FLT4: variants seen among roughly 807,000 people sequenced by gnomAD.
FLT4 encodes the protein fms related receptor tyrosine kinase 4, also known as vascular endothelial growth factor receptor 3.
A neutral mutation model predicts 163.2 loss-of-function variants in FLT4; 30 were observed. That is an observed-to-expected ratio of 0.18 (90% CI 0.14 to 0.25). The LOEUF is 0.25. Ranked by LOEUF, FLT4 falls within the 10% of genes least tolerant of loss-of-function variation. The pLI, the probability that FLT4 is intolerant of heterozygous loss-of-function variation, is 1.00. For synonymous variants in FLT4, 884 were observed against 789.5 expected (o/e 1.12, Z -2.01); for missense variants, 1,510 against 1,863.8 (o/e 0.81, Z 3.50).
chr5:180,618,660 C>T, intron 21 of FLT4, 110 bp downstream of exon 21: 1 of 1,205,218 alleles, frequency 8.3e-7, no homozygotes, highest in Non-Finnish European at 1.2e-6. Flanking sequence ...GAGCCCATTC[C>T]ACACTCTCCC....
chr5:180,611,579 C>T (rs1762201960), intron 26 of FLT4, 100 bp from the exon 27 acceptor site: 2 of 1,318,132 alleles, frequency 1.5e-6, no homozygotes, highest in African/African-American at 2.9e-5. Context: ...CAGCCCTCAC[C>T]CCCGCCCTCA....
rs745546499 is a variant in FLT4 at position 180,603,323 on chromosome 5, G to A, written c.3961C>T (p.Arg1321Trp). ...AHPDSQGRRR[R>W]PERGARGGQV... ...CCTCCTCGGGCCCCCCGCTCAGGCC[G>A]CCGCCGCCTCCCTTGGGAGTCAGGG... The change falls in exon 30 of 30, where the codon CGG becomes TGG. Residue 1321 changes from arginine to tryptophan, a missense_variant. This residue lies in a region of FLT4 where 295 missense variants were observed against 311.0 expected (regional missense o/e 0.95). Transcript: ENST00000261937. 1.5e-5 allele frequency: 24 copies of A among 1,613,722 alleles called. No homozygotes were observed. The East Asian group carries it at 1.8e-4, about 12-fold the overall frequency.
At chr5:180,606,660 C>T (rs1459231351) in intron 29 of FLT4, among the ~76,000 whole-genome samples, 3 of 152,206 alleles carry the variant, frequency 2.0e-5, no homozygotes, top group Non-Finnish European at 4.4e-5. Context: ...ACTTAATTAC[C>T]TTGTTTTTTG....
In FLT4 at chr5:180,618,801, G is replaced by A; in HGVS notation, c.2970C>T (p.Gly990=). The change falls in exon 21 of 30, where the codon GGC becomes GGT. Residue 990 remains glycine, a synonymous_variant. Transcript: ENST00000261937. ...GGTCTGGAGAAGCCCGCCTCGCTCC[G>A]CCCTCGGTCTTCGAGAACCGCGCGA... The part of the protein sequence containing the change: ...VLFARFSKTE[G]GARRASPDQE... 1 of 1,587,830 alleles carries A rather than the reference G, an allele frequency of 6.3e-7. No individual in the cohort carries two copies. The highest frequency in any genetic ancestry group is 8.6e-7 in the Non-Finnish European group (1 of 1,167,828).
At chr5:180,609,763 C>T in intron 28 of FLT4, 142 bp downstream of exon 28, 2 of 1,045,794 alleles carry the variant, frequency 1.9e-6, no homozygotes, top group Non-Finnish European at 2.9e-6. Context: ...CCCAAATGTG[C>T]CCAAGGCTCA....
rs1339072901 is a variant in FLT4, at chr5:180,602,923, C to G, written c.*269G>C. 5.1e-6 allele frequency: 3 copies of G among 592,050 alleles called. No homozygotes were observed. Among genetic ancestry groups the G allele is most frequent in the Non-Finnish European group, 9.0e-6 (3 of 331,834 alleles). The allele number at this position is 592,050 out of a possible 1,614,324, so 36.7% of individuals were successfully genotyped here. A position where few individuals can be genotyped will look rare whatever the true frequency, so the allele number is the denominator to read the frequency against. ...GGAAGTGCTGGCCCCGGGACCAGCA[C>G]CTGCGGATGCTGAACTAAATGACAT... On this transcript the variant is annotated 3_prime_UTR_variant, in exon 30 of 30. Transcript: ENST00000261937.
rs755735640 is a variant in FLT4 at position 180,621,260 on chromosome 5, C to A, written c.2021-8G>T. On this transcript the variant is annotated splice_polypyrimidine_tract_variant and splice_region_variant and intron_variant, in intron 13 of 29. Transcript: ENST00000261937. ...GCCGAGGGGCTTCCAGGGCTGGGGG[C>A]AGGGGTCGAGAGGGAGCTAAGTGGA... The A allele has an allele frequency of 6.2e-7, 1 of 1,610,930 alleles. No homozygotes were observed. The highest frequency in any genetic ancestry group is 8.5e-7 in the Non-Finnish European group (1 of 1,178,586).
Position 180,621,230 on chromosome 5 carries a change from C to A in FLT4, c.2043G>T (p.Thr681=). 6.2e-7 allele frequency: 1 copy of A among 1,612,570 alleles called. No individual in the cohort carries two copies. The highest frequency in any genetic ancestry group is 1.1e-5 in the South Asian group (1 of 91,060). Residue 681 remains threonine (T), a synonymous_variant, in exon 14 of 30, where the codon ACG becomes ACT. Coordinates refer to ENST00000261937, the MANE Select transcript of FLT4 (RefSeq NM_182925.5). ...TCACCAGGAGGTCGGTCAAGTTCTG[C>A]GTGAGCCGAGGGGCTTCCAGGGCTG... ...SVQALEAPRL[T]QNLTDLLVNV...
At chr5:180,610,987 G>A (rs1343863129) in intron 27 of FLT4, among the ~76,000 whole-genome samples, 1 of 152,222 alleles carries the variant, frequency 6.6e-6, no homozygotes, top group East Asian at 1.9e-4. Flanking sequence ...AACCTGGGAG[G>A]CGGAGCTTGC....
At chr5:180,610,077 C>T (rs759443068) in intron 27 of FLT4, 52 bp from the exon 28 acceptor site, 43 of 1,611,898 alleles carry the variant, frequency 2.7e-5, no homozygotes, top group Non-Finnish European at 3.4e-5. Context: ...CAACCCTCCT[C>T]GAACTTCTCT....
At position 180,621,012 on chromosome 5, in the gene FLT4, A is replaced by AG. The variant is rs747723824; in HGVS notation, c.2168-6dup. The AG allele has an allele frequency of 3.7e-6, 6 of 1,611,376 alleles. No individual in the cohort carries two copies. Among genetic ancestry groups the AG allele is most frequent in the Non-Finnish European group, 5.1e-6 (6 of 1,179,084 alleles). ...TGGAGTCCGCCAAGTCGACTCCTGC[A>AG]GGGGGTGGGGTGGAGGTGCGGGTCC... On this transcript the variant is annotated splice_polypyrimidine_tract_variant and splice_region_variant and intron_variant, in intron 14 of 29. Transcript: ENST00000261937.
At chr5:180,638,822 ATTAT>A (rs1287481168) in intron 1 of FLT4, among the ~76,000 whole-genome samples, 1 of 152,188 alleles carries the variant, frequency 6.6e-6, no homozygotes, top group Non-Finnish European at 1.5e-5. Flanking sequence ...CCAACTTGGA[ATTAT>A]TTATTTATGT....
In FLT4 at chr5:180,626,217, C is replaced by A. The variant is rs766928567; in HGVS notation, c.1152G>T (p.Leu384=). The part of the protein sequence containing the change: ...ALSGRHSPHA[L]VLKEVTEAST... ...TGGCCTCTGTCACCTCCTTGAGCAC[C>A]AGGGCATGTGGACTGTGGCGCCCGG... The change falls in exon 9 of 30, where the codon CTG becomes CTT. Residue 384 remains leucine (L), a synonymous_variant. Coordinates refer to ENST00000261937, the MANE Select transcript of FLT4 (RefSeq NM_182925.5). 1.2e-6 allele frequency: 2 copies of A among 1,612,820 alleles called. No individual in the cohort carries two copies. Among genetic ancestry groups the A allele is most frequent in the Admixed American group, 3.3e-5 (2 of 60,022 alleles).
Position 180,628,888 on chromosome 5 carries a change from A to T in FLT4, c.1097T>A (p.Phe366Tyr). 6.2e-7 allele frequency: 1 copy of T among 1,606,652 alleles called. No homozygotes were observed. The change falls in exon 8 of 30, where the codon TTC (phenylalanine) becomes TAC (tyrosine). Residue 366 changes from phenylalanine (F) to tyrosine (Y), a missense_variant. Phe to Tyr is a conservative substitution (Grantham distance 22). This residue lies in a region of FLT4 where 878 missense variants were observed against 1,016.7 expected (regional missense o/e 0.86). Coordinates refer to ENST00000261937, the MANE Select transcript of FLT4 (RefSeq NM_182925.5). ...VKLAAYPPPE[F>Y]QWYKDGKALS... ...GGGGAGCCAGGGCTGTTACCACTGG[A>T]ACTCGGGCGGGGGGTACGCTGCCAG...
chr5:180,649,636 G>T, upstream of FLT4: 1 of 570,864 alleles, frequency 1.8e-6, no homozygotes, highest in South Asian at 8.0e-5. Context: ...GGGCGGGGCG[G>T]GGCGGGGCGG....
At chr5:180,608,364 C>T in intron 29 of FLT4, 1 of 700,100 alleles carries the variant, frequency 1.4e-6, no homozygotes. Context: ...CCCTCCTGAC[C>T]CTGCCCCCTT....
chr5:180,642,050 T>C (rs1561759984), intron 1 of FLT4, among the ~76,000 whole-genome samples: 1 of 151,888 alleles, frequency 6.6e-6, no homozygotes, highest in Admixed American at 6.6e-5. Context: ...CTACTAAAAA[T>C]ACAAAAATTA....
intron 1 of FLT4, among the ~76,000 whole-genome samples, chr5:180,641,071 T>C (rs1048724770): frequency 2.6e-5 from 4 of 152,136 alleles, no homozygotes; most frequent in Non-Finnish European, 5.9e-5. Flanking sequence ...CTCTCAACCA[T>C]CACCCTGAGC....
chr5:180,631,064 C>T (rs529008737), intron 2 of FLT4, among the ~76,000 whole-genome samples: 2 of 152,054 alleles, frequency 1.3e-5, no homozygotes, highest in African/African-American at 4.8e-5. Flanking sequence ...ATCTCTGGGG[C>T]CCCAGTGGGT....
Sources: allele counts gnomAD v4.1 joint callset (sites outside exome capture counted in the v4.1 genomes callset), GRCh38; gene constraint gnomAD v4.1.1; regional missense constraint gnomAD v4.1.1; transcripts MANE v1.5; gene names NCBI Gene and HGNC (gene_info 2026-07-23, HGNC 2026-07-21).